The following EPN2 variants were observed in gnomAD, a reference collection of about 807,000 sequenced individuals.
The protein encoded by EPN2 is epsin-2.
In EPN2, 34 loss-of-function variants were observed where a neutral mutation model predicts 61.7. The observed-to-expected ratio is 0.55, with a 90% CI of 0.42 to 0.73. EPN2 has a LOEUF of 0.73. Ranked by LOEUF, EPN2 falls within the 30% of genes least tolerant of loss-of-function variation. EPN2 has a pLI of 0.00. For missense variants in EPN2, 714 were observed against 839.2 expected, an observed-to-expected ratio of 0.85 and a Z score of 1.84; for synonymous variants, 349 against 353.6, an observed-to-expected ratio of 0.99 and a Z score of 0.15.
intron 1 of EPN2, among the ~76,000 whole-genome samples, chr17:19,276,773 G>GTTTTTCTTT: frequency 8.4e-6 from 1 of 119,324 alleles, no homozygotes; most frequent in African/African-American, 4.1e-5. Flanking sequence ...ATGAGAATAA[G>GTTTTTCTTT]TTTTTTTTTT....
chr17:19,311,852 C>T (rs1906153197), intron 5 of EPN2, among the ~76,000 whole-genome samples, 200 bp from the exon 6 acceptor site: 2 of 152,238 alleles, frequency 1.3e-5, no homozygotes, highest in African/African-American at 4.8e-5. Flanking sequence ...GGGTCCAAGT[C>T]ACAGGAGTCG....
chr17:19,242,371 G>T (rs1018491388), intron 1 of EPN2, among the ~76,000 whole-genome samples: 5 of 152,174 alleles, frequency 3.3e-5, no homozygotes, highest in African/African-American at 1.2e-4. Context: ...AACCTGGGAA[G>T]GGGAGGTTGC....
chr17:19,256,419 C>CGA (rs1349553191), intron 1 of EPN2, among the ~76,000 whole-genome samples: 12 of 67,960 alleles, frequency 1.8e-4, no homozygotes, highest in Non-Finnish European at 3.5e-4. Context: ...GACCCTGTCT[C>CGA]AAAAAAAAAA....
intron 7 of EPN2, among the ~76,000 whole-genome samples, chr17:19,326,462 A>G (rs1906872834): frequency 6.6e-6 from 1 of 152,198 alleles, no homozygotes; most frequent in Admixed American, 6.5e-5. Context: ...CAAGGCGGGC[A>G]GATCACAAGG....
intron 1 of EPN2, among the ~76,000 whole-genome samples, chr17:19,277,674 C>A (rs1322331917): frequency 6.6e-6 from 1 of 152,202 alleles, no homozygotes; most frequent in Non-Finnish European, 1.5e-5. Context: ...TGCTGGAGTC[C>A]TGCTTCATGG....
intron 4 of EPN2, among the ~76,000 whole-genome samples, chr17:19,292,380 G>A (rs574366524): frequency 6.6e-6 from 1 of 152,378 alleles, no homozygotes; most frequent in South Asian, 2.1e-4. Flanking sequence ...GGATGGACCA[G>A]GAATTTGGTG....
At chr17:19,239,155 T>C (rs1413994306) in intron 1 of EPN2, among the ~76,000 whole-genome samples, 1 of 152,220 alleles carries the variant, frequency 6.6e-6, no homozygotes, top group African/African-American at 2.4e-5. Flanking sequence ...AAATTTTTTA[T>C]TTATTTATTT....
intron 1 of EPN2, among the ~76,000 whole-genome samples, chr17:19,239,955 T>G (rs987885498): frequency 1.3e-5 from 2 of 151,828 alleles, no homozygotes; most frequent in Non-Finnish European, 2.9e-5. Flanking sequence ...CTGATAAGAG[T>G]CCTGCAAAAG....
chr17:19,270,354 G>C (rs1338140002), intron 1 of EPN2, among the ~76,000 whole-genome samples: 3 of 152,204 alleles, frequency 2.0e-5, no homozygotes, highest in Admixed American at 2.0e-4. Flanking sequence ...AGGCAAGATT[G>C]TTGATGGTTT....
intron 1 of EPN2, among the ~76,000 whole-genome samples, chr17:19,280,424 A>G (rs1022417811): frequency 6.6e-6 from 1 of 152,216 alleles, no homozygotes; most frequent in South Asian, 2.1e-4. Context: ...GAAAAACCTA[A>G]TTACATCAAA....
chr17:19,297,618 A>G (rs1222657782), intron 4 of EPN2, among the ~76,000 whole-genome samples: 1 of 152,116 alleles, frequency 6.6e-6, no homozygotes, highest in African/African-American at 2.4e-5. Flanking sequence ...TCAGGCAGGC[A>G]GTGCAGAGTG....
intron 1 of EPN2, among the ~76,000 whole-genome samples, chr17:19,246,226 C>T (rs984739121): frequency 2.0e-5 from 3 of 152,098 alleles, no homozygotes; most frequent in African/African-American, 4.8e-5. Flanking sequence ...GGCGTGGTGG[C>T]GCATGCCTGT....
At chr17:19,266,680 G>A (rs1202683989) in intron 1 of EPN2, among the ~76,000 whole-genome samples, 2 of 151,658 alleles carry the variant, frequency 1.3e-5, no homozygotes, top group Non-Finnish European at 2.9e-5. Context: ...GGGATTACAG[G>A]CATAAGCCAC....
At chr17:19,307,861 T>G (rs1301364577) in intron 4 of EPN2, 1 of 977,078 alleles carries the variant, frequency 1.0e-6, no homozygotes, top group African/African-American at 1.8e-5. Context: ...TCTTCCCCTG[T>G]TTTATTCACC....
intron 1 of EPN2, among the ~76,000 whole-genome samples, chr17:19,259,542 G>C (rs2045117998): frequency 6.6e-6 from 1 of 152,124 alleles, no homozygotes; most frequent in South Asian, 2.1e-4. Flanking sequence ...TCAATCTCCT[G>C]ACCTTGTGAT....
intron 1 of EPN2, among the ~76,000 whole-genome samples, chr17:19,237,900 C>T (rs915466530): frequency 1.3e-5 from 2 of 152,188 alleles, no homozygotes; most frequent in Non-Finnish European, 2.9e-5. Flanking sequence ...ACAACCCCGC[C>T]CCCTCCCCAG....
intron 4 of EPN2, chr17:19,296,552 A>C (rs770688635): frequency 9.2e-5 from 14 of 152,224 alleles, no homozygotes; most frequent in African/African-American, 3.4e-4. Flanking sequence ...AAAATCCTTC[A>C]ATCTTAACTA....
At chr17:19,267,688 G>T (rs1424651071) in intron 1 of EPN2, among the ~76,000 whole-genome samples, 2 of 152,020 alleles carry the variant, frequency 1.3e-5, no homozygotes, top group Admixed American at 6.6e-5. Context: ...GATTACAGGT[G>T]CGCATTACCA....
intron 4 of EPN2, among the ~76,000 whole-genome samples, chr17:19,301,483 A>G (rs1489123827): frequency 1.3e-5 from 2 of 152,166 alleles, no homozygotes; most frequent in East Asian, 1.9e-4. Context: ...TAGGATCCCA[A>G]TTAAATGTGT....
Sources: gnomAD v4.1 joint callset for allele counts (sites outside exome capture counted in the v4.1 genomes callset) on GRCh38, gnomAD v4.1.1 for gene constraint, MANE v1.5 for transcripts, NCBI Gene and HGNC (gene_info 2026-07-23, HGNC 2026-07-21) for gene names.